SPIDR: variants seen among roughly 807,000 people sequenced by gnomAD.
The protein encoded by SPIDR is scaffold protein involved in DNA repair.
Under a neutral mutation model 104.6 loss-of-function variants are expected in SPIDR, and 93 were observed. That is an observed-to-expected ratio of 0.89 (90% CI 0.75 to 1.06). SPIDR has a LOEUF of 1.06. SPIDR is among the 50% of genes least tolerant of loss of function. The pLI, the probability that SPIDR is intolerant of heterozygous loss-of-function variation, is 0.00. For synonymous variants in SPIDR, 431 were observed against 416.9 expected (o/e 1.03, Z -0.41); for missense variants, 1,154 against 1,111.2 (o/e 1.04, Z -0.55).
chr8:47,621,032 C>G (rs557357361), intron 10 of SPIDR, among the ~76,000 whole-genome samples: 1 of 152,294 alleles, frequency 6.6e-6, no homozygotes, highest in African/African-American at 2.4e-5. Flanking sequence ...TCTCAGCTCA[C>G]TGCAGTCTCC....
At chr8:47,654,404 T>C (rs527926687) in intron 10 of SPIDR, among the ~76,000 whole-genome samples, 2 of 152,286 alleles carry the variant, frequency 1.3e-5, no homozygotes, top group South Asian at 4.2e-4. Context: ...AATAGAGTAC[T>C]TCCAGGTTTT....
chr8:47,320,044 A>G (rs1307139205), intron 5 of SPIDR, among the ~76,000 whole-genome samples: 1 of 152,130 alleles, frequency 6.6e-6, no homozygotes, highest in Admixed American at 6.6e-5. Context: ...AGAACTAGAG[A>G]AGCAAGAGCA....
At chr8:47,564,268 C>T (rs1362273513) in intron 8 of SPIDR, among the ~76,000 whole-genome samples, 3 of 151,646 alleles carry the variant, frequency 2.0e-5, no homozygotes, top group East Asian at 2.0e-4. Context: ...TAGTAGAGAC[C>T]GGGTTTCGCC....
intron 5 of SPIDR, chr8:47,357,963 C>A: frequency 3.2e-6 from 2 of 629,722 alleles, no homozygotes; most frequent in Non-Finnish European, 4.0e-6. Flanking sequence ...GTGTGGTTTA[C>A]ATTCACTCTG....
intron 16 of SPIDR, among the ~76,000 whole-genome samples, chr8:47,719,996 C>T (rs1020394339): frequency 2.6e-5 from 4 of 152,320 alleles, no homozygotes; most frequent in East Asian, 3.9e-4. Flanking sequence ...CCCTAAAAAT[C>T]CTGTGCTCTG....
At chr8:47,540,935 C>T (rs2087989859) in intron 8 of SPIDR, among the ~76,000 whole-genome samples, 1 of 152,216 alleles carries the variant, frequency 6.6e-6, no homozygotes, top group East Asian at 1.9e-4. Context: ...TCTCAGCTCA[C>T]TACAACCTCT....
At chr8:47,299,662 G>T (rs1247003435) in intron 5 of SPIDR, among the ~76,000 whole-genome samples, 2 of 152,168 alleles carry the variant, frequency 1.3e-5, no homozygotes, top group African/African-American at 4.8e-5. Flanking sequence ...TAGCATGAAG[G>T]GTTGTTGAAT....
chr8:47,597,604 T>C (rs2061769668), intron 9 of SPIDR, among the ~76,000 whole-genome samples: 1 of 152,254 alleles, frequency 6.6e-6, no homozygotes, highest in Admixed American at 6.5e-5. Context: ...TTTTCTCTAT[T>C]CTTGTAATGT....
chr8:47,712,200 A>G (rs1427780460), intron 14 of SPIDR, among the ~76,000 whole-genome samples: 2 of 152,270 alleles, frequency 1.3e-5, no homozygotes, highest in African/African-American at 4.8e-5. Flanking sequence ...CCTGTTGCAG[A>G]TGCAACAAAT....
At chr8:47,621,072 T>TAC (rs2065088919) in intron 10 of SPIDR, among the ~76,000 whole-genome samples, 1 of 151,852 alleles carries the variant, frequency 6.6e-6, no homozygotes, top group Admixed American at 6.6e-5. Flanking sequence ...GTCCCCAGCC[T>TAC]CAGCCTCCCA....
chr8:47,388,314 T>C (rs1214193944), intron 5 of SPIDR: 1 of 153,938 alleles, frequency 6.5e-6, no homozygotes, highest in African/African-American at 2.4e-5. Flanking sequence ...TGAATAAATA[T>C]TTATTTAATA....
At chr8:47,381,588 C>T (rs1587969277) in intron 5 of SPIDR, among the ~76,000 whole-genome samples, 1 of 152,328 alleles carries the variant, frequency 6.6e-6, no homozygotes, top group Middle Eastern at 3.4e-3. Context: ...CTTGGCATAA[C>T]ACTGCTCTGG....
intron 5 of SPIDR, among the ~76,000 whole-genome samples, chr8:47,332,001 T>TAA: frequency 8.2e-6 from 1 of 121,372 alleles, no homozygotes; most frequent in Non-Finnish European, 1.7e-5. Flanking sequence ...TTTTTTTTTT[T>TAA]TTTTTTTTTT....
chr8:47,650,157 T>A (rs2071354945), intron 10 of SPIDR, among the ~76,000 whole-genome samples: 1 of 152,076 alleles, frequency 6.6e-6, no homozygotes, highest in Admixed American at 6.6e-5. Flanking sequence ...AAAGAGGAAG[T>A]CAAACTGTTA....
intron 8 of SPIDR, among the ~76,000 whole-genome samples, chr8:47,576,714 A>G (rs922771184): frequency 6.6e-6 from 1 of 152,232 alleles, no homozygotes; most frequent in African/African-American, 2.4e-5. Context: ...GATTACAGGC[A>G]TGAGCCACCA....
chr8:47,276,765 A>G (rs1288580508), intron 1 of SPIDR: 8 of 152,192 alleles, frequency 5.3e-5, no homozygotes, highest in African/African-American at 1.4e-4. Flanking sequence ...AGACTTGAAC[A>G]TGATTGAATG....
chr8:47,335,132 T>C (rs2049448489), intron 5 of SPIDR, among the ~76,000 whole-genome samples: 1 of 152,234 alleles, frequency 6.6e-6, no homozygotes, highest in Non-Finnish European at 1.5e-5. Flanking sequence ...GTTACTATTT[T>C]GACCAAACCA....
At chr8:47,273,917 C>A (rs2035838980) in intron 1 of SPIDR, among the ~76,000 whole-genome samples, 1 of 152,132 alleles carries the variant, frequency 6.6e-6, no homozygotes, top group East Asian at 1.9e-4. Flanking sequence ...AAAGCTTGAT[C>A]TCCAGCCTCC....
chr8:47,539,617 G>A (rs1237640764), intron 8 of SPIDR, among the ~76,000 whole-genome samples: 1 of 151,954 alleles, frequency 6.6e-6, no homozygotes, highest in Non-Finnish European at 1.5e-5. Flanking sequence ...TGTTATTCTG[G>A]TGTTTTTCTA....
Sources: allele counts gnomAD v4.1 joint callset (sites outside exome capture counted in the v4.1 genomes callset), GRCh38; gene constraint gnomAD v4.1.1; transcripts MANE v1.5; gene names NCBI Gene and HGNC (gene_info 2026-07-23, HGNC 2026-07-21).